ACVR1: variants seen among roughly 807,000 people sequenced by gnomAD.
ACVR1 encodes the protein activin A receptor type 1.
Under a neutral mutation model 57.1 loss-of-function variants are expected in ACVR1, and 38 were observed. The observed-to-expected ratio is 0.67, with a 90% CI of 0.51 to 0.87. The LOEUF is 0.87. Among genes scored for constraint, ACVR1 ranks in the 40% least tolerant of loss-of-function variants. The probability of loss-of-function intolerance (pLI) is 0.00; values close to 1 mark genes in which losing one functional copy is unlikely to be tolerated. For synonymous variants in ACVR1, 212 were observed against 228.1 expected, an observed-to-expected ratio of 0.93 and a Z score of 0.63; for missense variants, 463 against 638.2, an observed-to-expected ratio of 0.73 and a Z score of 2.96.
intron 8 of ACVR1, among the ~76,000 whole-genome samples, chr2:157,763,478 G>A (rs1183324030): frequency 6.6e-6 from 1 of 152,106 alleles, no homozygotes; most frequent in African/African-American, 2.4e-5. Flanking sequence ...CAACATTTTG[G>A]GAGGCCGAGA....
chr2:157,869,131 C>G (rs1690032997), intron 1 of ACVR1, among the ~76,000 whole-genome samples: 1 of 152,164 alleles, frequency 6.6e-6, no homozygotes, highest in Non-Finnish European at 1.5e-5. Flanking sequence ...AGTTAAGTGG[C>G]TCCTGCCACC....
chr2:157,867,462 G>A (rs1381554011), intron 1 of ACVR1, among the ~76,000 whole-genome samples: 2 of 152,040 alleles, frequency 1.3e-5, no homozygotes, highest in South Asian at 4.2e-4. Context: ...AACTAACACC[G>A]AGCCTCAGTG....
intron 9 of ACVR1, among the ~76,000 whole-genome samples, chr2:157,756,179 G>T (rs530302460): frequency 2.6e-5 from 4 of 152,096 alleles, no homozygotes; most frequent in South Asian, 4.2e-4. Context: ...ATGGATCAAG[G>T]ACTTAAATCT....
Position 157,737,397 on chromosome 2 carries a change from G to T in ACVR1, c.*134C>A. The T allele has an allele frequency of 8.3e-7, 1 of 1,199,164 alleles. No homozygotes were observed. The highest frequency in any genetic ancestry group is 1.2e-6 in the Non-Finnish European group (1 of 837,492). 74.3% of individuals were successfully genotyped at this position (1,199,164 alleles called of 1,614,324 possible). A position where few individuals can be genotyped will look rare whatever the true frequency, so the allele number is the denominator to read the frequency against. ...TCCCCAACACATGGCTGGGTACGAC[G>T]TCTGCCTTGTCAAAGCAGCCATTTG... On this transcript the variant is annotated 3_prime_UTR_variant, in exon 11 of 11. Transcript: ENST00000434821.
At chr2:157,784,996 C>T (rs935515232) in intron 3 of ACVR1, among the ~76,000 whole-genome samples, 3 of 152,212 alleles carry the variant, frequency 2.0e-5, no homozygotes, top group African/African-American at 7.2e-5. Context: ...TTCACGCCTG[C>T]CCAGTCATGC....
chr2:157,789,444 G>A (rs1035405288), intron 3 of ACVR1, among the ~76,000 whole-genome samples: 4 of 152,184 alleles, frequency 2.6e-5, no homozygotes, highest in African/African-American at 7.2e-5. Flanking sequence ...AAGAGTTTCC[G>A]CAGATTCCCT....
At chr2:157,826,786 GAAAGGGAAAGGGAAAAGGAAAAGGAAA>G (rs1688392761) in intron 1 of ACVR1, 1 of 103,370 alleles carries the variant, frequency 9.7e-6, no homozygotes, top group Non-Finnish European at 1.8e-5. Flanking sequence ...GAAAGGAAAG[GAAAGGGAAAGGGAAAAGGAAAAGGAAA>G]GGAAAGGGGA....
intron 8 of ACVR1, among the ~76,000 whole-genome samples, chr2:157,765,654 T>G (rs1685835217): frequency 6.6e-6 from 1 of 152,234 alleles, no homozygotes; most frequent in Non-Finnish European, 1.5e-5. Context: ...TTCCTTTGTC[T>G]GCAATTTACT....
At chr2:157,769,755 G>C (rs1397496923) in intron 7 of ACVR1, among the ~76,000 whole-genome samples, 3 of 152,170 alleles carry the variant, frequency 2.0e-5, no homozygotes, top group Non-Finnish European at 2.9e-5. Flanking sequence ...AACACACTTA[G>C]AGAAACTTTT....
rs374379942 is a variant in ACVR1 at position 157,872,974 on chromosome 2, A to G, written c.-183+2822T>C. ...TATTCTGAAGTTGGGGTTTCGGTGCAAGTACAAACGCATATTTATGACTAC... is the reference window on the plus strand; with the variant it reads ...TATTCTGAAGTTGGGGTTTCGGTGCGAGTACAAACGCATATTTATGACTAC... On this transcript the variant is annotated intron_variant, in intron 1 of 10. Transcript: ENST00000434821. Among the ~76,000 whole-genome samples the G allele has an allele frequency of 3.7e-4, 56 of 152,344 alleles. No homozygotes were observed. The South Asian group carries it at 9.3e-3, about 25-fold the overall frequency.
intron 3 of ACVR1, among the ~76,000 whole-genome samples, chr2:157,795,803 T>C (rs1574074794): frequency 6.6e-6 from 1 of 152,096 alleles, no homozygotes; most frequent in Non-Finnish European, 1.5e-5. Flanking sequence ...TCCGCCCCAC[T>C]CTTTTCCCCA....
rs2105355133 is a variant in ACVR1, at chr2:157,841,021, C to G, written c.-182-22462G>C. Among the ~76,000 whole-genome samples the G allele has an allele frequency of 1.3e-5, 2 of 152,348 alleles. 1 individual carries two copies. Among genetic ancestry groups the G allele is most frequent in the South Asian group, 4.1e-4 (2 of 4,828 alleles). On this transcript the variant is annotated intron_variant, in intron 1 of 10. Transcript: ENST00000434821. Reference sequence around the variant, plus strand: ...ACAATTCCTGTTCCCCTGGTGGTAACAGAACTTCAGGCCTTTTGCCCAAGA... The same window carrying G: ...ACAATTCCTGTTCCCCTGGTGGTAAGAGAACTTCAGGCCTTTTGCCCAAGA...
chr2:157,771,096 T>C (rs766063750), intron 6 of ACVR1, among the ~76,000 whole-genome samples: 2 of 152,246 alleles, frequency 1.3e-5, no homozygotes, highest in African/African-American at 2.4e-5. Flanking sequence ...ACAATGCTGC[T>C]AGAAGATCGA....
chr2:157,808,798 C>A (rs1301442211), intron 2 of ACVR1, among the ~76,000 whole-genome samples: 2 of 151,634 alleles, frequency 1.3e-5, no homozygotes, highest in African/African-American at 4.9e-5. Flanking sequence ...CAGAGAGAAC[C>A]CCAAGGAAGT....
intron 1 of ACVR1, among the ~76,000 whole-genome samples, chr2:157,826,357 A>T (rs1688349906): frequency 2.0e-5 from 3 of 152,178 alleles, no homozygotes; most frequent in Non-Finnish European, 4.4e-5. Flanking sequence ...GCATGAATGA[A>T]GTTTAAAATT....
chr2:157,756,195 C>A (rs1685419111), intron 9 of ACVR1, among the ~76,000 whole-genome samples: 1 of 152,016 alleles, frequency 6.6e-6, no homozygotes, highest in Non-Finnish European at 1.5e-5. Context: ...AATCTAAGAT[C>A]TGAAACATAA....
intron 2 of ACVR1, among the ~76,000 whole-genome samples, chr2:157,800,887 C>T (rs554774557): frequency 1.4e-4 from 22 of 152,080 alleles, no homozygotes; most frequent in African/African-American, 4.8e-4. Flanking sequence ...GCCCTGAGCC[C>T]CCTCCTCCAC....
intron 4 of ACVR1, among the ~76,000 whole-genome samples, chr2:157,779,312 A>T (rs944189952): frequency 6.6e-6 from 1 of 152,244 alleles, no homozygotes; most frequent in African/African-American, 2.4e-5. Flanking sequence ...ACAAAGTATA[A>T]CAGTAAATTT....
At chr2:157,834,330 T>G (rs1374789933) in intron 1 of ACVR1, among the ~76,000 whole-genome samples, 1 of 152,060 alleles carries the variant, frequency 6.6e-6, no homozygotes, top group Non-Finnish European at 1.5e-5. Flanking sequence ...TGACCTCAGG[T>G]GATCTGCCTG....
Sources: allele counts gnomAD v4.1 joint callset (sites outside exome capture counted in the v4.1 genomes callset), GRCh38; gene constraint gnomAD v4.1.1; transcripts MANE v1.5; gene names NCBI Gene and HGNC (gene_info 2026-07-23, HGNC 2026-07-21).